Variants in PBX1 observed in about 807,000 individuals in gnomAD.
The protein encoded by PBX1 is PBX homeobox 1, also known as pre-B-cell leukemia transcription factor 1.
A neutral mutation model predicts 53.4 loss-of-function variants in PBX1; 6 were observed. The observed-to-expected ratio is 0.11, with a 90% CI of 0.06 to 0.22. PBX1 has a LOEUF of 0.22. PBX1 is among the 10% of genes least tolerant of loss of function. The probability of loss-of-function intolerance (pLI) is 1.00; values close to 1 mark genes in which losing one functional copy is unlikely to be tolerated. For synonymous variants in PBX1, 204 were observed against 212.3 expected (o/e 0.96, Z 0.34); for missense variants, 251 against 551.4 (o/e 0.46, Z 5.46).
chr1:164,559,852 C>G lies in PBX1; in HGVS notation c.30C>G (p.Ser10=), dbSNP rs940224282. The G allele has an allele frequency of 1.4e-5, 21 of 1,550,200 alleles. No homozygotes were observed. The East Asian group carries it at 2.0e-4, about 14-fold the overall frequency. The part of the protein sequence containing the change: MDEQPRLMH[S]HAGVGMAGHP... Reference sequence around the variant, plus strand: ...ACGAGCAGCCCAGGCTGATGCATTCCCATGCTGGGGTCGGGATGGCCGGAC... The same window carrying G: ...ACGAGCAGCCCAGGCTGATGCATTCGCATGCTGGGGTCGGGATGGCCGGAC... Residue 10 remains serine, a synonymous_variant, in exon 1 of 9, where the codon TCC becomes TCG. Coordinates refer to ENST00000420696, the MANE Select transcript of PBX1 (RefSeq NM_002585.4).
At chr1:164,735,659 C>T (rs1030376228) in intron 2 of PBX1, among the ~76,000 whole-genome samples, 2 of 152,164 alleles carry the variant, frequency 1.3e-5, no homozygotes, top group African/African-American at 2.4e-5. Context: ...TAGAGAGACC[C>T]ATCAAGGCTC....
At chr1:164,593,644 T>C (rs200279461) in intron 2 of PBX1, among the ~76,000 whole-genome samples, 2 of 5,904 alleles carry the variant, frequency 3.4e-4, no homozygotes, top group Non-Finnish European at 8.3e-3. Flanking sequence ...GCTGGAAAAA[T>C]AATAAATAGC....
In PBX1 at chr1:164,820,059, C is replaced by G. The variant is rs531682918; in HGVS notation, c.998-13C>G. On this transcript the variant is annotated splice_polypyrimidine_tract_variant and intron_variant, in intron 6 of 8. Coordinates refer to ENST00000420696, the MANE Select transcript of PBX1 (RefSeq NM_002585.4). ...CTTTCTGTGATTCAGGTGCCTCACT[C>G]TTTCCTTTCCAGGTTCTTCCAGTTC... 3.8e-6 allele frequency: 6 copies of G among 1,564,444 alleles called. No individual in the cohort carries two copies. Among genetic ancestry groups the G allele is most frequent in the Admixed American group, 3.4e-5 (2 of 59,648 alleles).
At chr1:164,578,398 C>T (rs1194111650) in intron 2 of PBX1, among the ~76,000 whole-genome samples, 1 of 152,134 alleles carries the variant, frequency 6.6e-6, no homozygotes, top group Admixed American at 6.5e-5. Flanking sequence ...TTTATTTTTT[C>T]ATTTGAGAAA....
At chr1:164,691,750 T>A (rs908736028) in intron 2 of PBX1, among the ~76,000 whole-genome samples, 1 of 152,154 alleles carries the variant, frequency 6.6e-6, no homozygotes, top group South Asian at 2.1e-4. Context: ...CAGCTCAAGT[T>A]AGCAGGCATA....
chr1:164,628,687 G>T (rs1023075132), intron 2 of PBX1, among the ~76,000 whole-genome samples: 4 of 152,186 alleles, frequency 2.6e-5, no homozygotes, highest in Non-Finnish European at 4.4e-5. Context: ...TTGTTTGTGA[G>T]TGTATCTGTG....
At chr1:164,842,371 G>A (rs1671345175) in intron 8 of PBX1, among the ~76,000 whole-genome samples, 2 of 152,188 alleles carry the variant, frequency 1.3e-5, no homozygotes, top group Admixed American at 1.3e-4. Context: ...CCTTTTAGGT[G>A]AAGTTCTAGC....
intron 2 of PBX1, among the ~76,000 whole-genome samples, chr1:164,644,677 G>T (rs1464858499): frequency 6.6e-6 from 1 of 152,010 alleles, no homozygotes; most frequent in Non-Finnish European, 1.5e-5. Flanking sequence ...GAAATAGACT[G>T]TTTCAGGATA....
At chr1:164,750,217 C>G (rs1312207693) in intron 2 of PBX1, among the ~76,000 whole-genome samples, 1 of 149,186 alleles carries the variant, frequency 6.7e-6, no homozygotes, top group East Asian at 2.0e-4. Flanking sequence ...ATGCTCATTG[C>G]TAACTGTGTG....
chr1:164,650,608 A>G (rs899095410), intron 2 of PBX1, among the ~76,000 whole-genome samples: 1 of 152,192 alleles, frequency 6.6e-6, no homozygotes, highest in Admixed American at 6.5e-5. Context: ...ATAGAGAGCC[A>G]TCATAGTCCC....
chr1:164,819,506 A>G (rs1368845023), intron 6 of PBX1: 3 of 152,204 alleles, frequency 2.0e-5, no homozygotes, highest in Non-Finnish European at 4.4e-5. Flanking sequence ...CCTTCATTTT[A>G]GAAATTAAGA....
chr1:164,811,699 G>C (rs1669621422), intron 5 of PBX1, among the ~76,000 whole-genome samples: 1 of 152,190 alleles, frequency 6.6e-6, no homozygotes, highest in Non-Finnish European at 1.5e-5. Flanking sequence ...AATTTAAAAT[G>C]CTTGCTCTAA....
At chr1:164,756,587 A>G (rs184406282) in intron 2 of PBX1, among the ~76,000 whole-genome samples, 1 of 152,314 alleles carries the variant, frequency 6.6e-6, no homozygotes, top group East Asian at 1.9e-4. Context: ...GCATCACATA[A>G]ATTTTGGTAA....
intron 2 of PBX1, among the ~76,000 whole-genome samples, chr1:164,875,658 C>G (rs917614414): frequency 6.6e-6 from 1 of 152,056 alleles, no homozygotes; most frequent in Non-Finnish European, 1.5e-5. Flanking sequence ...CCTTGAGCCA[C>G]CGGCAGGCTC....
intron 2 of PBX1, among the ~76,000 whole-genome samples, chr1:164,679,915 A>G (rs537010651): frequency 1.3e-5 from 1 of 78,080 alleles, no homozygotes; most frequent in South Asian, 6.2e-4. Flanking sequence ...TTATGACTCC[A>G]AACTCCTGCT....
intron 5 of PBX1, among the ~76,000 whole-genome samples, chr1:164,809,744 C>T (rs1338760429): frequency 6.6e-6 from 1 of 152,144 alleles, no homozygotes; most frequent in African/African-American, 2.4e-5. Flanking sequence ...TGACCCAAAA[C>T]AAAGATATGT....
chr1:164,709,688 G>A (rs1234001427), intron 2 of PBX1, among the ~76,000 whole-genome samples: 1 of 152,116 alleles, frequency 6.6e-6, no homozygotes, highest in Non-Finnish European at 1.5e-5. Context: ...GTGGAAGAGC[G>A]AAGGCAGGTG....
intron 2 of PBX1, among the ~76,000 whole-genome samples, chr1:164,624,121 T>G (rs1200999514): frequency 6.6e-6 from 1 of 152,212 alleles, no homozygotes; most frequent in East Asian, 1.9e-4. Context: ...TAACTGTATC[T>G]GAAGAATTAT....
intron 2 of PBX1, among the ~76,000 whole-genome samples, chr1:164,774,217 G>T (rs1667535834): frequency 6.6e-6 from 1 of 152,102 alleles, no homozygotes; most frequent in Non-Finnish European, 1.5e-5. Context: ...CAAGGCACAG[G>T]GTTCTTTGGG....
Sources: gnomAD v4.1 joint callset for allele counts (sites outside exome capture counted in the v4.1 genomes callset) on GRCh38, gnomAD v4.1.1 for gene constraint, MANE v1.5 for transcripts, NCBI Gene and HGNC (gene_info 2026-07-23, HGNC 2026-07-21) for gene names.